WASL: variants seen among roughly 807,000 people sequenced by gnomAD.
WASL encodes the protein actin nucleation-promoting factor WASL.
Under a neutral mutation model 55.5 loss-of-function variants are expected in WASL, and 20 were observed. The observed-to-expected ratio is 0.36, with a 90% confidence interval of 0.25 to 0.52. The LOEUF (loss-of-function observed/expected upper bound fraction) is 0.52. Among genes scored for constraint, WASL ranks in the 20% least tolerant of loss-of-function variants. The probability of loss-of-function intolerance (pLI) is 0.92; values close to 1 mark genes in which losing one functional copy is unlikely to be tolerated. For missense variants in WASL, 504 were observed against 622.5 expected (o/e 0.81, Z 2.03); for synonymous variants, 249 against 217.6 (o/e 1.14, Z -1.27).
At chr7:123,722,002 T>C (rs557322749) in intron 1 of WASL, among the ~76,000 whole-genome samples, 1 of 151,970 alleles carries the variant, frequency 6.6e-6, no homozygotes, top group African/African-American at 2.4e-5. Context: ...TGGGTGGCTT[T>C]GGGGGTGGGG....
chr7:123,689,941 C>T (rs893624205), intron 9 of WASL, among the ~76,000 whole-genome samples: 2 of 152,122 alleles, frequency 1.3e-5, no homozygotes, highest in Non-Finnish European at 2.9e-5. Context: ...CTGTACAATT[C>T]TTCCTCTAAT....
chr7:123,702,909 C>T (rs1163470886), intron 5 of WASL, among the ~76,000 whole-genome samples: 1 of 152,150 alleles, frequency 6.6e-6, no homozygotes, highest in Admixed American at 6.5e-5. Flanking sequence ...ACAGCATCTA[C>T]ACTTTAAAAT....
intron 5 of WASL, among the ~76,000 whole-genome samples, chr7:123,699,025 A>C (rs547095757): frequency 6.6e-6 from 1 of 152,252 alleles, no homozygotes; most frequent in African/African-American, 2.4e-5. Context: ...GCTACAAATT[A>C]CTTTGTTTCT....
At chr7:123,691,606 A>AC (rs1803409678) in intron 9 of WASL, among the ~76,000 whole-genome samples, 1 of 152,214 alleles carries the variant, frequency 6.6e-6, no homozygotes, top group Admixed American at 6.5e-5. Context: ...AAGAGGCCAT[A>AC]CTGCCTATAT....
rs118179027 is a variant in WASL at position 123,738,865 on chromosome 7, T to C, written c.117+9753A>G. ...ACACAAAATACGGTAACACCAATGATAGGTGATGAGCAAAACAAAAACAAA... is the reference window on the plus strand; with the variant it reads ...ACACAAAATACGGTAACACCAATGACAGGTGATGAGCAAAACAAAAACAAA... On this transcript the variant is annotated intron_variant, in intron 1 of 10. Coordinates refer to ENST00000223023, the MANE Select transcript of WASL (RefSeq NM_003941.4). 6.4e-4 allele frequency among the ~76,000 whole-genome samples: 97 copies of C among 151,820 alleles called. 1 individual carries two copies. The highest frequency in any genetic ancestry group is 1.2e-3 in the Non-Finnish European group (83 of 67,940).
At chr7:123,730,905 C>A (rs890019497) in intron 1 of WASL, among the ~76,000 whole-genome samples, 1 of 152,104 alleles carries the variant, frequency 6.6e-6, no homozygotes, top group Non-Finnish European at 1.5e-5. Flanking sequence ...CCCAGGTAAT[C>A]AGCATAGTAT....
At chr7:123,698,242 T>C (rs567532369) in intron 5 of WASL, among the ~76,000 whole-genome samples, 23 of 152,012 alleles carry the variant, frequency 1.5e-4, no homozygotes, top group Non-Finnish European at 3.1e-4. Flanking sequence ...AAATGGCAAA[T>C]AGAAATCTCA....
At chr7:123,697,315 T>C (rs538026142) in intron 5 of WASL, among the ~76,000 whole-genome samples, 1 of 152,152 alleles carries the variant, frequency 6.6e-6, no homozygotes, top group Admixed American at 6.6e-5. Context: ...GTATAGAATT[T>C]AAAAATTTAA....
chr7:123,730,916 C>G (rs1804126442), intron 1 of WASL, among the ~76,000 whole-genome samples: 1 of 152,044 alleles, frequency 6.6e-6, no homozygotes, highest in Admixed American at 6.6e-5. Context: ...AGCATAGTAT[C>G]CCACTGGTAG....
Position 123,684,338 on chromosome 7 carries a change from A to T in WASL, c.*181T>A, listed in dbSNP as rs2116760046. On this transcript the variant is annotated 3_prime_UTR_variant, in exon 11 of 11. Transcript: ENST00000223023. ...ATAACAGGGAGTAGCTTTGTAGAGG[A>T]TTACGACAAACCTTTACAGATTAAA... The T allele has an allele frequency of 3.9e-6, 1 of 256,440 alleles. No individual in the cohort carries two copies. The allele number at this position is 256,440 out of a possible 1,614,324, so 15.9% of individuals were successfully genotyped here.
intron 1 of WASL, among the ~76,000 whole-genome samples, chr7:123,739,687 TACA>T (rs1387036158): frequency 6.6e-6 from 1 of 152,174 alleles, no homozygotes; most frequent in East Asian, 1.9e-4. Flanking sequence ...CATTTTTGAC[TACA>T]ACATTTTCAA....
intron 1 of WASL, among the ~76,000 whole-genome samples, chr7:123,728,863 AAAAAC>A (rs779867306): frequency 2.6e-5 from 4 of 152,208 alleles, no homozygotes; most frequent in Non-Finnish European, 5.9e-5. Context: ...CTCTGTCTCA[AAAAAC>A]AAAACAAAAC....
At chr7:123,696,543 A>C in intron 6 of WASL, 36 bp downstream of exon 6, 1 of 1,504,120 alleles carries the variant, frequency 6.6e-7, no homozygotes, top group Non-Finnish European at 8.8e-7. Context: ...GAATAAATCA[A>C]AAGTGAAGAT....
rs551650711 is a variant in WASL, at chr7:123,720,287, TAC to T, written c.118-11066_118-11065del. The stretch of plus-strand genomic sequence containing the variant: ...CGAATATTTTGGTCATCAAGAAAAA[TAC>T]ACACTCATTAAATAAAGCACAGTTC... On this transcript the variant is annotated intron_variant, in intron 1 of 10. Coordinates refer to ENST00000223023, the MANE Select transcript of WASL (RefSeq NM_003941.4). 199 of 402,556 alleles carry T rather than the reference TAC, an allele frequency of 4.9e-4. No homozygotes were observed. In the Middle Eastern group the frequency reaches 0.011, roughly 22 times the overall value. The allele number at this position is 402,556 out of a possible 1,614,324, so 24.9% of individuals were successfully genotyped here. A position where few individuals can be genotyped will look rare whatever the true frequency, so the allele number is the denominator to read the frequency against.
intron 1 of WASL, among the ~76,000 whole-genome samples, chr7:123,732,392 G>A (rs1052891691): frequency 1.3e-5 from 2 of 151,992 alleles, no homozygotes; most frequent in Non-Finnish European, 2.9e-5. Context: ...TGATCTTCCA[G>A]ACATTAAAAG....
At chr7:123,699,225 A>G (rs1803539328) in intron 5 of WASL, among the ~76,000 whole-genome samples, 1 of 152,108 alleles carries the variant, frequency 6.6e-6, no homozygotes, top group Admixed American at 6.5e-5. Context: ...CTCTAATACA[A>G]AAATTAGCCG....
At chr7:123,695,769 G>A in intron 7 of WASL, 54 bp downstream of exon 7, 4 of 1,553,698 alleles carry the variant, frequency 2.6e-6, no homozygotes, top group South Asian at 2.4e-5. Context: ...TCTAAAATAG[G>A]CCAACACATT....
chr7:123,709,246 C>T, intron 1 of WASL, 23 bp from the exon 2 acceptor site: 4 of 1,591,280 alleles, frequency 2.5e-6, no homozygotes, highest in Non-Finnish European at 3.4e-6. Context: ...AAATTTATAA[C>T]CATTAGGTTC....
At chr7:123,728,497 G>A (rs1448696312) in intron 1 of WASL, among the ~76,000 whole-genome samples, 1 of 152,158 alleles carries the variant, frequency 6.6e-6, no homozygotes, top group African/African-American at 2.4e-5. Flanking sequence ...TTCCATAAAT[G>A]TGTCCACTGA....
Sources: allele counts gnomAD v4.1 joint callset (sites outside exome capture counted in the v4.1 genomes callset), GRCh38; gene constraint gnomAD v4.1.1; transcripts MANE v1.5; gene names NCBI Gene and HGNC (gene_info 2026-07-23, HGNC 2026-07-21).